Variants in PTPRK observed in about 807,000 individuals in gnomAD.
The protein encoded by PTPRK is protein tyrosine phosphatase receptor type K.
In PTPRK, 75 loss-of-function variants were observed where a neutral mutation model predicts 178.0. The ratio of observed to expected loss-of-function variants is 0.42; its 90% CI spans 0.35 to 0.51. The LOEUF (loss-of-function observed/expected upper bound fraction) is 0.51, where lower values mean the gene tolerates loss of function less well. Among genes scored for constraint, PTPRK ranks in the 20% least tolerant of loss-of-function variants. The probability of loss-of-function intolerance (pLI) is 0.02; values close to 1 mark genes in which losing one functional copy is unlikely to be tolerated. For synonymous variants in PTPRK, 637 were observed against 620.6 expected (o/e 1.03, Z -0.39); for missense variants, 1,441 against 1,797.8 (o/e 0.80, Z 3.59).
At chr6:128,404,174 C>T (rs1841376509) in intron 1 of PTPRK, among the ~76,000 whole-genome samples, 1 of 152,234 alleles carries the variant, frequency 6.6e-6, no homozygotes, top group African/African-American at 2.4e-5. Context: ...AGAGGAGTAG[C>T]GGTGAGCCAC....
At chr6:128,057,519 C>G (rs1780102681) in intron 13 of PTPRK, among the ~76,000 whole-genome samples, 1 of 152,194 alleles carries the variant, frequency 6.6e-6, no homozygotes, top group Admixed American at 6.5e-5. Context: ...CACTAAAAAC[C>G]TTAGGAACCG....
At chr6:127,970,653 T>C (rs1289836898) in intron 29 of PTPRK, among the ~76,000 whole-genome samples, 1 of 152,110 alleles carries the variant, frequency 6.6e-6, no homozygotes, top group Non-Finnish European at 1.5e-5. Flanking sequence ...GCTATAATTC[T>C]ATCATCAGAA....
At chr6:128,115,374 C>T (rs1040836865) in intron 7 of PTPRK, among the ~76,000 whole-genome samples, 9 of 151,850 alleles carry the variant, frequency 5.9e-5, no homozygotes, top group African/African-American at 4.8e-5. Flanking sequence ...AGTGCTCACC[C>T]TTTCTCCACT....
chr6:128,304,009 T>C (rs143479762), intron 3 of PTPRK, among the ~76,000 whole-genome samples: 1 of 152,142 alleles, frequency 6.6e-6, no homozygotes, highest in Non-Finnish European at 1.5e-5. Flanking sequence ...CCACGACTTA[T>C]GCAATTTTGG....
At chr6:128,110,383 TC>T (rs957223750) in intron 7 of PTPRK, among the ~76,000 whole-genome samples, 109 of 152,284 alleles carry the variant, frequency 7.2e-4, no homozygotes, top group African/African-American at 2.5e-3. Flanking sequence ...GGAAAAGTTA[TC>T]AATCCCTGTC....
chr6:128,086,898 A>T (rs1363552013), intron 8 of PTPRK, among the ~76,000 whole-genome samples: 1 of 152,104 alleles, frequency 6.6e-6, no homozygotes, highest in Admixed American at 6.5e-5. Flanking sequence ...ATATAATTAA[A>T]ACTGGAAAAA....
intron 2 of PTPRK, among the ~76,000 whole-genome samples, chr6:128,354,728 A>G (rs1309306185): frequency 6.6e-6 from 1 of 152,224 alleles, no homozygotes; most frequent in African/African-American, 2.4e-5. Context: ...GTATGAGGGC[A>G]CTAGTATTAT....
intron 13 of PTPRK, among the ~76,000 whole-genome samples, chr6:128,047,222 C>T (rs1462220461): frequency 6.6e-6 from 1 of 152,114 alleles, no homozygotes; most frequent in Non-Finnish European, 1.5e-5. Flanking sequence ...TATTGGAATA[C>T]ATGTTTAAAG....
intron 1 of PTPRK, among the ~76,000 whole-genome samples, chr6:128,462,167 T>C (rs552685246): frequency 1.3e-5 from 2 of 152,214 alleles, no homozygotes; most frequent in East Asian, 3.9e-4. Flanking sequence ...CCCATGAAAA[T>C]ATTTTTTGAG....
chr6:128,373,032 C>A (rs774506598), intron 2 of PTPRK, among the ~76,000 whole-genome samples: 3 of 151,802 alleles, frequency 2.0e-5, no homozygotes, highest in Non-Finnish European at 4.4e-5. Context: ...TGGAAACATT[C>A]CAATGTATTT....
At position 128,322,049 on chromosome 6, in the gene PTPRK, T is replaced by C. The variant is rs61757812; in HGVS notation, c.485A>G (p.Asn162Ser). 6.3e-3 allele frequency: 10,097 copies of C among 1,613,908 alleles called. 48 individuals carry two copies. The highest frequency in any genetic ancestry group is 6.7e-3 in the Non-Finnish European group (7,936 of 1,179,894). The change falls in exon 3 of 30, where the codon AAT (asparagine) becomes AGT (serine). Residue 162 changes from asparagine to serine, a missense_variant. Coordinates refer to ENST00000368226, the MANE Select transcript of PTPRK (RefSeq NM_002844.4). ...AELAVSTFWP[N>S]EYQVIFEAEV... ...AGTACAGATGATTACCTGATATTCA[T>C]TGGGCCAAAAGGTGCTCACTGCTAG...
At chr6:128,053,993 A>AT (rs530257796) in intron 13 of PTPRK, among the ~76,000 whole-genome samples, 39 of 152,240 alleles carry the variant, frequency 2.6e-4, no homozygotes, top group Non-Finnish European at 5.0e-4. Flanking sequence ...TGCTATTGAG[A>AT]TTTTTTTTAA....
chr6:127,975,589 T>C (rs1175614400), intron 27 of PTPRK, among the ~76,000 whole-genome samples: 1 of 152,248 alleles, frequency 6.6e-6, no homozygotes, highest in Admixed American at 6.5e-5. Flanking sequence ...TGTTTCTCTC[T>C]AAAAAGAGCT....
At chr6:128,188,979 A>T (rs189304874) in intron 6 of PTPRK, among the ~76,000 whole-genome samples, 1 of 152,204 alleles carries the variant, frequency 6.6e-6, no homozygotes, top group African/African-American at 2.4e-5. Flanking sequence ...ACCTGCAAAC[A>T]TCATTTTTCC....
At chr6:128,288,852 C>T (rs1822929867) in intron 3 of PTPRK, among the ~76,000 whole-genome samples, 1 of 151,958 alleles carries the variant, frequency 6.6e-6, no homozygotes, top group South Asian at 2.1e-4. Flanking sequence ...TAGCAAATAC[C>T]ACTTTAGCAC....
intron 13 of PTPRK, among the ~76,000 whole-genome samples, chr6:128,040,953 C>T (rs1349543363): frequency 6.6e-6 from 1 of 152,076 alleles, no homozygotes; most frequent in Admixed American, 6.6e-5. Context: ...GGTGGCAAAT[C>T]TAGAACTATG....
Position 128,519,276 on chromosome 6 carries a change from C to A in PTPRK, c.100+983G>T, listed in dbSNP as rs368025811. On this transcript the variant is annotated intron_variant, in intron 1 of 29. Coordinates refer to ENST00000368226, the MANE Select transcript of PTPRK (RefSeq NM_002844.4). The surrounding 1 kb of genome is among the most constrained non-coding windows in gnomAD (Gnocchi z 4.3). Reference sequence around the variant, plus strand: ...GAACGAAAGAAGCAACCAACCTACACGAAGGATAACAAAACTGGAGGGGAA... The same window carrying A: ...GAACGAAAGAAGCAACCAACCTACAAGAAGGATAACAAAACTGGAGGGGAA... The A allele has an allele frequency of 1.6e-5, 6 of 367,362 alleles. No individual in the cohort carries two copies. Among genetic ancestry groups the A allele is most frequent in the African/African-American group, 1.3e-4 (6 of 46,848 alleles). 22.8% of individuals were successfully genotyped at this position (367,362 alleles called of 1,614,324 possible).
At chr6:127,977,768 C>G (rs1774776842) in intron 25 of PTPRK, among the ~76,000 whole-genome samples, 1 of 152,172 alleles carries the variant, frequency 6.6e-6, no homozygotes, top group Non-Finnish European at 1.5e-5. Flanking sequence ...GAGATAGCTC[C>G]TTGTTAACCA....
intron 1 of PTPRK, among the ~76,000 whole-genome samples, chr6:128,464,930 A>G (rs889185877): frequency 1.3e-5 from 2 of 151,296 alleles, no homozygotes; most frequent in African/African-American, 4.8e-5. Context: ...TGGAAAGATT[A>G]AAGACAATTT....
Sources: gnomAD v4.1 joint callset for allele counts (sites outside exome capture counted in the v4.1 genomes callset) on GRCh38, gnomAD v4.1.1 for gene constraint, Gnocchi (gnomAD v3.1) non-coding constraint, MANE v1.5 for transcripts, NCBI Gene and HGNC (gene_info 2026-07-23, HGNC 2026-07-21) for gene names.